The following HS6ST2 variants were observed in gnomAD, a reference collection of about 807,000 sequenced individuals.
HS6ST2 encodes the protein heparan-sulfate 6-O-sulfotransferase 2.
A neutral mutation model predicts 33.0 loss-of-function variants in HS6ST2; 17 were observed. The observed-to-expected ratio is 0.52, with a 90% CI of 0.35 to 0.77. The LOEUF (loss-of-function observed/expected upper bound fraction) is 0.77. Ranked by LOEUF, HS6ST2 falls within the 30% of genes least tolerant of loss-of-function variation. HS6ST2 has a pLI of 0.01. For synonymous variants in HS6ST2, 248 were observed against 237.1 expected (o/e 1.05, Z -0.42); for missense variants, 519 against 551.7 (o/e 0.94, Z 0.59).
At chrX:132,868,776 A>C (rs1260989081) in intron 2 of HS6ST2, among the ~76,000 whole-genome samples, 1 of 111,850 alleles carries the variant, frequency 8.9e-6, no homozygotes, top group Non-Finnish European at 1.9e-5. Context: ...GACACAGCTA[A>C]AGCAGTGTTT....
chrX:132,661,180 T>C (rs747452366), intron 4 of HS6ST2, among the ~76,000 whole-genome samples: 1 of 111,082 alleles, frequency 9.0e-6, no homozygotes, highest in Non-Finnish European at 1.9e-5. Context: ...TATTCAACAC[T>C]GTACTAAAGG....
At chrX:132,883,755 A>T (rs59889983) in intron 2 of HS6ST2, among the ~76,000 whole-genome samples, 15,949 of 110,748 alleles carry the variant, frequency 0.14, 960 homozygotes, top group East Asian at 0.33. Flanking sequence ...CAGCAGCTCC[A>T]AATGGCTGTC....
At chrX:132,950,130 A>G (rs1772764197) in intron 2 of HS6ST2, among the ~76,000 whole-genome samples, 1 of 111,558 alleles carries the variant, frequency 9.0e-6, no homozygotes, top group Non-Finnish European at 1.9e-5. Flanking sequence ...AGCATCCTGT[A>G]CTTTTCCCCC....
chrX:132,838,122 T>C (rs1259831271), intron 2 of HS6ST2, among the ~76,000 whole-genome samples: 1 of 111,599 alleles, frequency 9.0e-6, no homozygotes, highest in Admixed American at 9.6e-5. Flanking sequence ...ACCATCTGAC[T>C]CTTCTGTGAA....
intron 4 of HS6ST2, chrX:132,668,138 G>A (rs930673779): frequency 7.1e-5 from 8 of 112,057 alleles, no homozygotes; most frequent in Non-Finnish European, 1.1e-4. Flanking sequence ...AGCATTTACG[G>A]TCCAATGCTG....
At chrX:132,829,533 T>A (rs1333153396) in intron 2 of HS6ST2, among the ~76,000 whole-genome samples, 2 of 110,148 alleles carry the variant, frequency 1.8e-5, no homozygotes, top group Non-Finnish European at 3.8e-5. Flanking sequence ...TTATACTCAT[T>A]AAAAAAATTT....
intron 3 of HS6ST2, among the ~76,000 whole-genome samples, chrX:132,673,189 G>A (rs946163515): frequency 8.0e-5 from 9 of 112,386 alleles, no homozygotes; most frequent in Non-Finnish European, 1.3e-4. Context: ...TGTGGTGCTC[G>A]TAGTGTTGCT....
intron 3 of HS6ST2, among the ~76,000 whole-genome samples, chrX:132,692,499 AG>A (rs1465630035): frequency 9.0e-6 from 1 of 110,576 alleles, no homozygotes; most frequent in Non-Finnish European, 1.9e-5. Context: ...CTACTTAATC[AG>A]GTCTATGTCT....
chrX:132,705,013 G>A (rs918854398), intron 3 of HS6ST2, among the ~76,000 whole-genome samples: 3 of 111,645 alleles, frequency 2.7e-5, no homozygotes, highest in Non-Finnish European at 5.6e-5. Flanking sequence ...ATGAATTAAG[G>A]GTTGGAGAGG....
At chrX:132,688,520 A>G (rs2064036884) in intron 3 of HS6ST2, among the ~76,000 whole-genome samples, 1 of 111,260 alleles carries the variant, frequency 9.0e-6, no homozygotes, top group Non-Finnish European at 1.9e-5. Flanking sequence ...GGAAGCAAAC[A>G]CATCCTTCTT....
At chrX:132,698,402 G>A (rs1209813731) in intron 3 of HS6ST2, among the ~76,000 whole-genome samples, 1 of 111,964 alleles carries the variant, frequency 8.9e-6, no homozygotes, top group Non-Finnish European at 1.9e-5. Flanking sequence ...GAATTGAGGA[G>A]AGGCAGAGAA....
chrX:132,787,190 TATATATATACACATATATATATACAC>T (rs2065073978), intron 2 of HS6ST2, among the ~76,000 whole-genome samples: 1 of 84,487 alleles, frequency 1.2e-5, no homozygotes, highest in African/African-American at 5.0e-5. Flanking sequence ...TATATATACA[TATATATATACACATATATATATACAC>T]ATATATATAT....
At chrX:132,803,095 G>A (rs192109693) in intron 2 of HS6ST2, among the ~76,000 whole-genome samples, 2 of 111,298 alleles carry the variant, frequency 1.8e-5, no homozygotes, top group African/African-American at 6.5e-5. Flanking sequence ...ACAGATGTTC[G>A]GTCCAGTTCC....
At chrX:132,773,654 G>T (rs769445976) in intron 2 of HS6ST2, among the ~76,000 whole-genome samples, 7 of 112,320 alleles carry the variant, frequency 6.2e-5, no homozygotes, top group African/African-American at 2.3e-4. Flanking sequence ...CAAAAAAGAA[G>T]TGAAGCTCTG....
chrX:132,943,361 G>A lies in HS6ST2; in HGVS notation c.947+13447C>T, dbSNP rs578031143. Among the ~76,000 whole-genome samples, 19 of 111,694 alleles carry A rather than the reference G, an allele frequency of 1.7e-4. No homozygotes were observed. In the South Asian group the frequency reaches 6.4e-3, roughly 38 times the overall value. On this transcript the variant is annotated intron_variant, in intron 2 of 4. Transcript: ENST00000370833. ...ACTGTGTAGCTGTGAAGATTTAGGAGGTTATGTATCTTGTCCAGTTCTGTT... is the reference window on the plus strand; with the variant it reads ...ACTGTGTAGCTGTGAAGATTTAGGAAGTTATGTATCTTGTCCAGTTCTGTT...
At chrX:132,738,168 C>A (rs936824243) in intron 2 of HS6ST2, among the ~76,000 whole-genome samples, 1 of 112,473 alleles carries the variant, frequency 8.9e-6, no homozygotes, top group Non-Finnish European at 1.9e-5. Flanking sequence ...CTCTTGCCAC[C>A]TCTGTGAGAA....
rs144597347 is a variant in HS6ST2 at position 132,774,516 on chromosome X, G to C, written c.948-66022C>G. On this transcript the variant is annotated intron_variant, in intron 2 of 4. Transcript: ENST00000370833. The stretch of plus-strand genomic sequence containing the variant: ...GGAAAGCCAGAGTGAGTCATGAAAG[G>C]CATGGACGACTGAAGTTGAGGTTGG... Among the ~76,000 whole-genome samples, 978 of 111,675 alleles carry C rather than the reference G, an allele frequency of 8.8e-3. 5 individuals carry two copies. Among genetic ancestry groups the C allele is most frequent in the Non-Finnish European group, 0.013 (700 of 53,153 alleles).
Position 132,669,120 on chromosome X carries a change from T to C in HS6ST2, c.1060A>G (p.Ser354Gly). ...GAGCACTTTTTCACTTACTTCCCAC[T>C]CTTAGATGTGTTCCGGGTCTTTGTG... ...SSTKTRNTSK[S>G]GKNFHYITIL... Residue 354 changes from serine to glycine, a missense_variant, in exon 4 of 5, where the codon AGT (serine) becomes GGT (glycine). Coordinates refer to ENST00000370833, the MANE Select transcript of HS6ST2 (RefSeq NM_001394073.1). 11 of 1,199,455 alleles carry C rather than the reference T, an allele frequency of 9.2e-6. No individual in the cohort carries two copies. Among genetic ancestry groups the C allele is most frequent in the Non-Finnish European group, 1.2e-5 (11 of 884,997 alleles).
chrX:132,732,269 C>G (rs185560110), intron 2 of HS6ST2, among the ~76,000 whole-genome samples: 2 of 111,683 alleles, frequency 1.8e-5, no homozygotes, highest in African/African-American at 6.5e-5. Context: ...TCAAGGTTGC[C>G]TTTATCAAAG....
Sources: allele counts gnomAD v4.1 joint callset (sites outside exome capture counted in the v4.1 genomes callset), GRCh38; gene constraint gnomAD v4.1.1; transcripts MANE v1.5; gene names NCBI Gene and HGNC (gene_info 2026-07-23, HGNC 2026-07-21).